Variants in ZNF226 observed in about 807,000 individuals in gnomAD.
ZNF226 encodes Kruppel-associated box protein.
In ZNF226, 6 loss-of-function variants were observed where a neutral mutation model predicts 11.4. The ratio of observed to expected loss-of-function variants is 0.53; its 90% confidence interval spans 0.29 to 1.04. ZNF226 has a LOEUF of 1.04. Ranked by LOEUF, ZNF226 falls within the 50% of genes least tolerant of loss-of-function variation. The pLI is 0.08. For missense variants in ZNF226, 1,058 were observed against 956.5 expected, an observed-to-expected ratio of 1.11 and a Z score of -1.40; for synonymous variants, 350 against 322.8, an observed-to-expected ratio of 1.08 and a Z score of -0.90.
At chr19:44,182,372 CAA>C (rs545603545), downstream of ZNF226, among the ~76,000 whole-genome samples, 14 of 152,020 alleles carry the variant, frequency 9.2e-5, no homozygotes, top group East Asian at 9.7e-4. Context: ...CACACACACA[CAA>C]ACACACACAC....
In ZNF226 at chr19:44,177,246, C is replaced by T. The variant is rs769741237; in HGVS notation, c.1984C>T (p.Gln662Ter). 1.2e-6 allele frequency: 2 copies of T among 1,613,918 alleles called. No homozygotes were observed. The highest frequency in any genetic ancestry group is 2.2e-5 in the East Asian group (1 of 44,856). Residue 662 changes from glutamine to a stop codon, truncating the protein, a stop_gained, in exon 6 of 6, where the codon CAA becomes TAA. Transcript: ENST00000337433. LOFTEE classifies it low-confidence loss of function (END_TRUNC). Reference protein sequence around the residue: ...FGRSAHLQAHQKVHTGDKPYK... With the variant: ...FGRSAHLQAH Reference sequence around the variant, plus strand: ...TCGGAGTGCACATCTTCAAGCCCATCAAAAAGTCCACACTGGAGATAAGCC... The same window carrying T: ...TCGGAGTGCACATCTTCAAGCCCATTAAAAAGTCCACACTGGAGATAAGCC...
At position 44,175,771 on chromosome 19, in the gene ZNF226, A is replaced by C. The variant is rs1970614903; in HGVS notation, c.509A>C (p.Gln170Pro). 6.2e-7 allele frequency: 1 copy of C among 1,613,596 alleles called. No homozygotes were observed. Among genetic ancestry groups the C allele is most frequent in the African/African-American group, 1.3e-5 (1 of 74,934 alleles). The change falls in exon 6 of 6, where the codon CAG becomes CCG. Residue 170 changes from glutamine to proline, a missense_variant. Physicochemically the swap from Gln to Pro is moderately conservative, Grantham distance 76. Coordinates refer to ENST00000337433, the MANE Select transcript of ZNF226 (RefSeq NM_001032373.2). The part of the protein sequence containing the change: ...GNPEFPILRT[Q>P]DSWRKTFLTE... ...CCAGAGTTTCCTATCTTGAGAACCC[A>C]GGATTCTTGGAGGAAAACATTCCTG...
intron 1 of ZNF226, 105 bp from the exon 2 acceptor site, chr19:44,165,652 A>T (rs576381706): frequency 2.0e-5 from 3 of 152,192 alleles, no homozygotes; most frequent in African/African-American, 7.2e-5. Flanking sequence ...ACCTCTTTTG[A>T]GGAAGGAGAG....
At chr19:44,183,824 C>G in the ZNF226 span, among the ~76,000 whole-genome samples, 2 of 152,144 alleles carry the variant, frequency 1.3e-5, no homozygotes, top group Non-Finnish European at 2.9e-5. Flanking sequence ...CAATATGTGC[C>G]TTTTTCTCTA....
Position 44,175,029 on chromosome 19 carries a change from C to G in ZNF226, c.236-469C>G, listed in dbSNP as rs779952378. ...CTTTTGCTCTATGACCTGGCTCAAA[C>G]TTAAACTTGGATTTGAAGTTAGAAG... On this transcript the variant is annotated intron_variant, in intron 5 of 5. Transcript: ENST00000337433. The G allele has an allele frequency of 3.5e-5, 56 of 1,611,204 alleles. No individual in the cohort carries two copies. The East Asian group carries it at 1.2e-3, about 35-fold the overall frequency.
chr19:44,193,959 T>C, the ZNF226 span, among the ~76,000 whole-genome samples: 6 of 152,270 alleles, frequency 3.9e-5, no homozygotes, highest in African/African-American at 1.4e-4. Flanking sequence ...GCATTTCTTA[T>C]CAATCTCTCA....
At chr19:44,177,852 A>T, downstream of ZNF226, 1 of 707,452 alleles carries the variant, frequency 1.4e-6, no homozygotes, top group Non-Finnish European at 2.1e-6. Flanking sequence ...TACTTAGAAG[A>T]GGGGTGTTAA....
At chr19:44,169,479 C>T (rs1000321460) in intron 2 of ZNF226, 5 of 152,246 alleles carry the variant, frequency 3.3e-5, no homozygotes, top group Non-Finnish European at 7.3e-5. Flanking sequence ...AACCTGTGAA[C>T]TCCAACTATC....
chr19:44,186,269 T>A, the ZNF226 span, among the ~76,000 whole-genome samples: 1 of 152,224 alleles, frequency 6.6e-6, no homozygotes, highest in East Asian at 1.9e-4. Flanking sequence ...GTGATTGCAT[T>A]GAATCTGTAA....
chr19:44,172,007 CA>C (rs1568566240), intron 3 of ZNF226, 80 bp from the exon 4 acceptor site: 1 of 1,563,152 alleles, frequency 6.4e-7, no homozygotes, highest in East Asian at 2.4e-5. Flanking sequence ...GCATCCAGAA[CA>C]ACTTTCCACC....
chr19:44,171,311 G>A (rs1568565692), intron 3 of ZNF226, among the ~76,000 whole-genome samples: 1 of 152,116 alleles, frequency 6.6e-6, no homozygotes, highest in Admixed American at 6.5e-5. Flanking sequence ...AGATTTAACA[G>A]CTGCTTCACC....
chr19:44,186,076 G>A, the ZNF226 span, among the ~76,000 whole-genome samples: 1 of 151,876 alleles, frequency 6.6e-6, no homozygotes. Flanking sequence ...ATATATGCAG[G>A]GGTTTATTTC....
At chr19:44,183,224 G>T (rs1449268562), downstream of ZNF226, among the ~76,000 whole-genome samples, 1 of 152,144 alleles carries the variant, frequency 6.6e-6, no homozygotes, top group Non-Finnish European at 1.5e-5. Flanking sequence ...AAATGTCACT[G>T]TAGCCCACCA....
downstream of ZNF226, among the ~76,000 whole-genome samples, chr19:44,183,350 A>T (rs1187207155): frequency 2.6e-5 from 4 of 152,190 alleles, no homozygotes; most frequent in African/African-American, 7.2e-5. Context: ...CAAGTTTCAG[A>T]ATGCAGAATT....
At position 44,176,002 on chromosome 19, in the gene ZNF226, C is replaced by T. The variant is rs192414700; in HGVS notation, c.740C>T (p.Thr247Ile). Residue 247 changes from threonine to isoleucine, a missense_variant, in exon 6 of 6, where the codon ACA (threonine) becomes ATA (isoleucine). Coordinates refer to ENST00000337433, the MANE Select transcript of ZNF226 (RefSeq NM_001032373.2). Reference sequence around the variant, plus strand: ...TTTGATCACAATAGCATGATTCACACAGGACAGAAATCGTACCAGTGTAAT... The same window carrying T: ...TTTGATCACAATAGCATGATTCACATAGGACAGAAATCGTACCAGTGTAAT... ...LTFDHNSMIH[T>I]GQKSYQCNEC... 8.5e-5 allele frequency: 137 copies of T among 1,613,954 alleles called. No individual in the cohort carries two copies. In the African/African-American group the frequency reaches 1.5e-3, roughly 18 times the overall value.
chr19:44,176,172 G>A lies in ZNF226; in HGVS notation c.910G>A (p.Gly304Arg), dbSNP rs1970658776. Residue 304 changes from glycine to arginine, a missense_variant, in exon 6 of 6, where the codon GGA becomes AGA. By Grantham distance (125) the Gly-to-Arg change is moderately radical. Coordinates refer to ENST00000337433, the MANE Select transcript of ZNF226 (RefSeq NM_001032373.2). The part of the protein sequence containing the change: ...VLPVHQKVHV[G>R]EKLKCDECGK... The stretch of plus-strand genomic sequence containing the variant: ...TCCTGTTCATCAGAAAGTACATGTG[G>A]GAGAAAAACTTAAGTGTGATGAGTG... 6.2e-7 allele frequency: 1 copy of A among 1,614,034 alleles called. No homozygotes were observed. Among genetic ancestry groups the A allele is most frequent in the East Asian group, 2.2e-5 (1 of 44,902 alleles).
At chr19:44,169,149 C>T (rs937767682) in intron 2 of ZNF226, among the ~76,000 whole-genome samples, 9 of 152,022 alleles carry the variant, frequency 5.9e-5, no homozygotes, top group Middle Eastern at 3.4e-3. Flanking sequence ...GCTGGGATTA[C>T]AGGTGCCTGC....
intron 4 of ZNF226, 183 bp downstream of exon 4, chr19:44,172,397 GA>G (rs1364872629): frequency 1.0e-5 from 7 of 695,490 alleles, no homozygotes; most frequent in Admixed American, 6.9e-5. Context: ...GTGTTTTATA[GA>G]AGAACTGTAA....
the ZNF226 span, among the ~76,000 whole-genome samples, chr19:44,196,114 T>A: frequency 6.6e-6 from 1 of 152,104 alleles, no homozygotes; most frequent in African/African-American, 2.4e-5. Flanking sequence ...CAAAGAAGCA[T>A]GATTGATAAT....
Sources: gnomAD v4.1 joint callset for allele counts (sites outside exome capture counted in the v4.1 genomes callset) on GRCh38, gnomAD v4.1.1 for gene constraint, MANE v1.5 for transcripts, NCBI Gene and HGNC (gene_info 2026-07-23, HGNC 2026-07-21) for gene names.